The following KIAA0586 variants were observed in gnomAD, a reference collection of about 807,000 sequenced individuals.
KIAA0586 encodes protein TALPID3.
In KIAA0586, 144 loss-of-function variants were observed where a neutral mutation model predicts 169.8. The observed-to-expected ratio is 0.85, with a 90% CI of 0.74 to 0.97. The LOEUF is 0.97. KIAA0586 is among the 50% of genes least tolerant of loss of function. KIAA0586 has a pLI of 0.00. For synonymous variants in KIAA0586, 625 were observed against 612.4 expected (o/e 1.02, Z -0.30); for missense variants, 1,854 against 1,823.0 (o/e 1.02, Z -0.31).
chr14:58,480,636 A>G (rs1404069469), intron 20 of KIAA0586, among the ~76,000 whole-genome samples: 2 of 152,096 alleles, frequency 1.3e-5, no homozygotes, highest in East Asian at 1.9e-4. Context: ...TTCTCCCAGC[A>G]CCCAATCTCT....
intron 8 of KIAA0586, among the ~76,000 whole-genome samples, chr14:58,451,003 T>C (rs961638958): frequency 4.7e-5 from 7 of 149,010 alleles, no homozygotes; most frequent in Non-Finnish European, 8.9e-5. Context: ...TTTTTTTTTT[T>C]TCTGAGACGG....
At chr14:58,546,510 T>A (rs769162539) in intron 30 of KIAA0586, among the ~76,000 whole-genome samples, 23 of 152,204 alleles carry the variant, frequency 1.5e-4, no homozygotes, top group Non-Finnish European at 3.2e-4. Context: ...TTGTCTGAAA[T>A]ATGTCTTTAA....
chr14:58,445,203 G>A (rs939422630), intron 6 of KIAA0586, among the ~76,000 whole-genome samples: 2 of 151,874 alleles, frequency 1.3e-5, no homozygotes, highest in African/African-American at 2.4e-5. Context: ...TTGAGCCAGC[G>A]ATTCTGAGGT....
At chr14:58,472,015 C>T (rs912593658) in intron 17 of KIAA0586, among the ~76,000 whole-genome samples, 184 bp from the exon 18 acceptor site, 5 of 152,066 alleles carry the variant, frequency 3.3e-5, no homozygotes, top group African/African-American at 9.7e-5. Flanking sequence ...GAAATGTTGA[C>T]CTAATGGCTT....
In KIAA0586 at chr14:58,468,760, T is replaced by C. The variant is rs2040972520; in HGVS notation, c.2442+838T>C. Among the ~76,000 whole-genome samples the C allele has an allele frequency of 1.3e-5, 2 of 152,256 alleles. 1 individual carries two copies. Among genetic ancestry groups the C allele is most frequent in the Admixed American group, 1.3e-4 (2 of 15,282 alleles). On this transcript the variant is annotated intron_variant, in intron 16 of 30. Coordinates refer to ENST00000652326, the MANE Select transcript of KIAA0586 (RefSeq NM_001329943.3). Reference sequence around the variant, plus strand: ...GGAGGCAACTGTAGGAAAGCATTCATGAACTGTGGTAAACTTTTTGGCTGA... The same window carrying C: ...GGAGGCAACTGTAGGAAAGCATTCACGAACTGTGGTAAACTTTTTGGCTGA...
chr14:58,442,618 C>T, intron 4 of KIAA0586, 88 bp from the exon 5 acceptor site: 1 of 1,018,368 alleles, frequency 9.8e-7, no homozygotes, highest in East Asian at 2.8e-5. Flanking sequence ...ATCAAAACCA[C>T]CTTCGGCAGA....
At chr14:58,523,967 T>C (rs2045399790) in intron 29 of KIAA0586, among the ~76,000 whole-genome samples, 1 of 152,220 alleles carries the variant, frequency 6.6e-6, no homozygotes, top group South Asian at 2.1e-4. Context: ...TTACTAAAAA[T>C]TTTTTAGTGA....
chr14:58,459,228 CAG>C (rs1255937682), intron 12 of KIAA0586, among the ~76,000 whole-genome samples: 2 of 152,094 alleles, frequency 1.3e-5, no homozygotes, highest in East Asian at 1.9e-4. Context: ...GCAATAAACA[CAG>C]AAATATATTT....
chr14:58,556,906 C>T, the KIAA0586 span, among the ~76,000 whole-genome samples: 4 of 152,036 alleles, frequency 2.6e-5, no homozygotes, highest in Non-Finnish European at 4.4e-5. Flanking sequence ...CCACCACGCC[C>T]GGCTAATTTT....
chr14:58,495,615 G>A (rs1447640633), intron 26 of KIAA0586, among the ~76,000 whole-genome samples: 1 of 151,970 alleles, frequency 6.6e-6, no homozygotes, highest in East Asian at 1.9e-4. Context: ...TAATTTTGAG[G>A]TGTGTGTATA....
chr14:58,508,417 G>C (rs2044152394), intron 27 of KIAA0586, 138 bp from the exon 28 acceptor site: 6 of 640,992 alleles, frequency 9.4e-6, no homozygotes, highest in Non-Finnish European at 1.6e-5. Context: ...GCTTGGTCCA[G>C]GTGTTTTTGT....
intron 29 of KIAA0586, chr14:58,520,925 A>C (rs774183404): frequency 3.9e-5 from 7 of 180,000 alleles, no homozygotes; most frequent in Non-Finnish European, 5.8e-5. Context: ...TTCTTAGGTT[A>C]ATCTTTTTTA....
chr14:58,465,805 T>A, intron 14 of KIAA0586, 30 bp from the exon 15 acceptor site: 2 of 1,368,006 alleles, frequency 1.5e-6, no homozygotes, highest in African/African-American at 1.5e-5. Flanking sequence ...AACAATATTT[T>A]AAAATATCTG....
intron 26 of KIAA0586, among the ~76,000 whole-genome samples, chr14:58,493,168 G>A (rs1271098492): frequency 6.6e-6 from 1 of 152,086 alleles, no homozygotes; most frequent in Admixed American, 6.5e-5. Flanking sequence ...AGAGGAGAGA[G>A]ATTTAAATTT....
chr14:58,448,278 T>C, intron 6 of KIAA0586, 62 bp from the exon 7 acceptor site: 1 of 1,073,658 alleles, frequency 9.3e-7, no homozygotes, highest in East Asian at 2.6e-5. Context: ...TTTCAATGTA[T>C]TTTATCATCT....
intron 29 of KIAA0586, among the ~76,000 whole-genome samples, chr14:58,528,586 A>G (rs554434889): frequency 6.6e-6 from 1 of 152,330 alleles, no homozygotes; most frequent in East Asian, 1.9e-4. Context: ...AAACTGAACA[A>G]CCTGCTCCTG....
intron 20 of KIAA0586, among the ~76,000 whole-genome samples, chr14:58,479,908 A>G (rs1329862953): frequency 2.6e-5 from 4 of 152,178 alleles, no homozygotes; most frequent in African/African-American, 9.7e-5. Context: ...CTAATACCAT[A>G]CTTCTTGATT....
intron 19 of KIAA0586, among the ~76,000 whole-genome samples, chr14:58,475,103 T>C (rs1441889214): frequency 2.0e-5 from 3 of 152,206 alleles, no homozygotes; most frequent in African/African-American, 7.2e-5. Context: ...AAGAAGTAAT[T>C]ATGGTTTGCT....
chr14:58,481,515 G>T (rs539441894), intron 20 of KIAA0586, among the ~76,000 whole-genome samples: 2 of 152,228 alleles, frequency 1.3e-5, no homozygotes, highest in South Asian at 4.2e-4. Context: ...GCATTCTTTT[G>T]TTGTAGTCAA....
Sources: allele counts gnomAD v4.1 joint callset (sites outside exome capture counted in the v4.1 genomes callset), GRCh38; gene constraint gnomAD v4.1.1; transcripts MANE v1.5; gene names NCBI Gene and HGNC (gene_info 2026-07-23, HGNC 2026-07-21).